The following WDFY2 variants were observed in gnomAD, a reference collection of about 807,000 sequenced individuals.
WDFY2 encodes the protein WD repeat and FYVE domain-containing protein 2.
A neutral mutation model predicts 56.4 loss-of-function variants in WDFY2; 36 were observed. The ratio of observed to expected loss-of-function variants is 0.64; its 90% CI spans 0.49 to 0.84. WDFY2 has a LOEUF of 0.84. WDFY2 is among the 40% of genes least tolerant of loss of function. The pLI is 0.00. For synonymous variants in WDFY2, 176 were observed against 183.7 expected (o/e 0.96, Z 0.34); for missense variants, 444 against 512.2 (o/e 0.87, Z 1.29).
chr13:51,620,971 C>T (rs990511846), intron 1 of WDFY2, among the ~76,000 whole-genome samples: 1 of 152,182 alleles, frequency 6.6e-6, no homozygotes, highest in African/African-American at 2.4e-5. Context: ...ATAGTACTGC[C>T]TGCCCTTACA....
At chr13:51,599,722 C>T (rs1037376256) in intron 1 of WDFY2, among the ~76,000 whole-genome samples, 2 of 152,122 alleles carry the variant, frequency 1.3e-5, no homozygotes, top group Non-Finnish European at 2.9e-5. Flanking sequence ...AACTTGCTGC[C>T]TTACTAAAGA....
At chr13:51,586,245 T>C (rs1953933826) in intron 1 of WDFY2, 1 of 392,754 alleles carries the variant, frequency 2.5e-6, no homozygotes, top group East Asian at 3.6e-5. Flanking sequence ...TTATGGGATA[T>C]ATTCCATAAA....
intron 2 of WDFY2, among the ~76,000 whole-genome samples, chr13:51,661,256 C>T (rs1174964628): frequency 6.6e-6 from 1 of 152,200 alleles, no homozygotes; most frequent in African/African-American, 2.4e-5. Context: ...AGTTCCCCCA[C>T]AGCTGAAGAA....
At chr13:51,707,799 A>C (rs1005470128) in intron 4 of WDFY2, among the ~76,000 whole-genome samples, 1 of 152,158 alleles carries the variant, frequency 6.6e-6, no homozygotes, top group Admixed American at 6.5e-5. Context: ...GTAAATTAAA[A>C]TGTGCAACAA....
Position 51,763,034 on chromosome 13 carries a change from C to T in WDFY2, c.*3265C>T, listed in dbSNP as rs1035302087. On this transcript the variant is annotated 3_prime_UTR_variant, in exon 12 of 12. Transcript: ENST00000298125. ...GTTTCTCATTTGGTTTTAATTATTT[C>T]CAGAAATCATAAAGTCACAAAACTG... 2 of 152,096 alleles carry T rather than the reference C, an allele frequency of 1.3e-5. No homozygotes were observed. Among genetic ancestry groups the T allele is most frequent in the Admixed American group, 6.5e-5 (1 of 15,268 alleles). The allele number at this position is 152,096 out of a possible 1,614,324, so 9.4% of individuals were successfully genotyped here. A position where few individuals can be genotyped will look rare whatever the true frequency, so the allele number is the denominator to read the frequency against.
chr13:51,674,273 CTG>C (rs1415038653), intron 2 of WDFY2, among the ~76,000 whole-genome samples: 1 of 152,190 alleles, frequency 6.6e-6, no homozygotes, highest in African/African-American at 2.4e-5. Context: ...CATATAAAAA[CTG>C]TGCTGGGCTC....
intron 1 of WDFY2, among the ~76,000 whole-genome samples, chr13:51,609,987 G>T (rs1264067422): frequency 6.6e-6 from 1 of 152,134 alleles, no homozygotes; most frequent in Admixed American, 6.6e-5. Flanking sequence ...ACCTCAACAT[G>T]TATGATTCTT....
At chr13:51,697,853 G>A (rs1031101929) in intron 3 of WDFY2, among the ~76,000 whole-genome samples, 2 of 152,096 alleles carry the variant, frequency 1.3e-5, no homozygotes, top group African/African-American at 4.8e-5. Context: ...GTGTATACAC[G>A]GGGAAAAGCT....
At chr13:51,702,030 G>A (rs1264488963) in intron 3 of WDFY2, among the ~76,000 whole-genome samples, 1 of 152,102 alleles carries the variant, frequency 6.6e-6, no homozygotes, top group East Asian at 1.9e-4. Flanking sequence ...AGTCTGCTCT[G>A]GCCAGGTGCG....
chr13:51,675,374 A>G lies in WDFY2; in HGVS notation c.279+131A>G, dbSNP rs527749503. Reference sequence around the variant, plus strand: ...AGTAGAATGAAAATTGCAGCGTAGCAAATTATGGCGAGGTAAGAGATTCTA... The same window carrying G: ...AGTAGAATGAAAATTGCAGCGTAGCGAATTATGGCGAGGTAAGAGATTCTA... On this transcript the variant is annotated intron_variant, in intron 3 of 11. Coordinates refer to ENST00000298125, the MANE Select transcript of WDFY2 (RefSeq NM_052950.4). The G allele has an allele frequency of 6.5e-6, 5 of 766,606 alleles. No individual in the cohort carries two copies. The East Asian group carries it at 1.1e-4, about 17-fold the overall frequency. The allele number at this position is 766,606 out of a possible 1,614,324, so 47.5% of individuals were successfully genotyped here.
At chr13:51,691,278 A>G (rs965121821) in intron 3 of WDFY2, among the ~76,000 whole-genome samples, 1 of 151,978 alleles carries the variant, frequency 6.6e-6, no homozygotes, top group African/African-American at 2.4e-5. Flanking sequence ...GCCCATGCCT[A>G]TGTCCTGAAT....
chr13:51,620,431 C>T (rs918200019), intron 1 of WDFY2, among the ~76,000 whole-genome samples: 6 of 151,916 alleles, frequency 3.9e-5, no homozygotes, highest in African/African-American at 7.3e-5. Context: ...GGTGCTCTGG[C>T]GGGCTCCACT....
chr13:51,765,449 T>A lies in WDFY2; in HGVS notation c.*5680T>A, dbSNP rs1014032922. 7 of 152,198 alleles carry A rather than the reference T, an allele frequency of 4.6e-5. No individual in the cohort carries two copies. The highest frequency in any genetic ancestry group is 1.0e-4 in the Non-Finnish European group (7 of 68,042). 9.4% of individuals were successfully genotyped at this position (152,198 alleles called of 1,614,324 possible). A position where few individuals can be genotyped will look rare whatever the true frequency, so the allele number is the denominator to read the frequency against. On this transcript the variant is annotated 3_prime_UTR_variant, in exon 12 of 12. Coordinates refer to ENST00000298125, the MANE Select transcript of WDFY2 (RefSeq NM_052950.4). ...CCTTGCATGTCCCATACCAGGGAATTTTTTTAACACACAGTGTAGAGCCTT... is the reference window on the plus strand; with the variant it reads ...CCTTGCATGTCCCATACCAGGGAATATTTTTAACACACAGTGTAGAGCCTT...
chr13:51,599,296 T>C (rs1367919416), intron 1 of WDFY2: 1 of 152,240 alleles, frequency 6.6e-6, no homozygotes, highest in African/African-American at 2.4e-5. Context: ...GCATAAAGTA[T>C]AGAAGGCTAT....
chr13:51,724,665 C>T (rs995381164), intron 5 of WDFY2, among the ~76,000 whole-genome samples: 2 of 152,182 alleles, frequency 1.3e-5, no homozygotes, highest in African/African-American at 4.8e-5. Context: ...TACCAGCATC[C>T]CCCGCCAGAG....
At chr13:51,759,446 TCA>T (rs1253765214) in intron 11 of WDFY2, among the ~76,000 whole-genome samples, 2 of 152,254 alleles carry the variant, frequency 1.3e-5, no homozygotes, top group East Asian at 3.8e-4. Flanking sequence ...TTTTAGTGAC[TCA>T]CAGGAGGATC....
At chr13:51,717,401 G>A (rs142186788) in intron 4 of WDFY2, among the ~76,000 whole-genome samples, 170 of 152,146 alleles carry the variant, frequency 1.1e-3, no homozygotes, top group Admixed American at 2.9e-3. Flanking sequence ...TCATTCATTG[G>A]TTTTGTAGCT....
At chr13:51,740,850 C>G (rs1340014694) in intron 7 of WDFY2, among the ~76,000 whole-genome samples, 1 of 152,170 alleles carries the variant, frequency 6.6e-6, no homozygotes, top group East Asian at 1.9e-4. Flanking sequence ...CTAATATTCA[C>G]TGGACTCATT....
intron 1 of WDFY2, among the ~76,000 whole-genome samples, chr13:51,617,071 C>A (rs1362287376): frequency 6.6e-6 from 1 of 152,072 alleles, no homozygotes; most frequent in African/African-American, 2.4e-5. Context: ...GAAAATCTCC[C>A]CCACCTCTCA....
Sources: allele counts gnomAD v4.1 joint callset (sites outside exome capture counted in the v4.1 genomes callset), GRCh38; gene constraint gnomAD v4.1.1; transcripts MANE v1.5; gene names NCBI Gene and HGNC (gene_info 2026-07-23, HGNC 2026-07-21).